Variants in KAZN observed in about 807,000 individuals in gnomAD.
KAZN encodes kazrin, periplakin interacting protein.
In KAZN, 40 loss-of-function variants were observed where a neutral mutation model predicts 87.4. The ratio of observed to expected loss-of-function variants is 0.46; its 90% CI spans 0.36 to 0.60. The LOEUF is 0.60. Among genes scored for constraint, KAZN ranks in the 20% least tolerant of loss-of-function variants. The pLI, the probability that KAZN is intolerant of heterozygous loss-of-function variation, is 0.00. For synonymous variants in KAZN, 466 were observed against 458.3 expected (o/e 1.02, Z -0.22); for missense variants, 898 against 1,073.9 (o/e 0.84, Z 2.29).
intron 1 of KAZN, among the ~76,000 whole-genome samples, chr1:14,063,718 A>G (rs1642887586): frequency 6.6e-6 from 1 of 152,138 alleles, no homozygotes; most frequent in Non-Finnish European, 1.5e-5. Flanking sequence ...AATAATCCCC[A>G]TGTGTCAAGG....
chr1:14,857,566 G>A (rs1189496382), intron 1 of KAZN, among the ~76,000 whole-genome samples: 1 of 151,984 alleles, frequency 6.6e-6, no homozygotes, highest in Non-Finnish European at 1.5e-5. Flanking sequence ...CTGGCACTAA[G>A]GGTGATTTGA....
intron 1 of KAZN, among the ~76,000 whole-genome samples, chr1:14,623,997 C>A (rs906037715): frequency 6.6e-6 from 1 of 152,124 alleles, no homozygotes. Flanking sequence ...CCCTTGAAAA[C>A]AATGTGTATT....
intron 2 of KAZN, among the ~76,000 whole-genome samples, chr1:14,561,733 A>C (rs910042800): frequency 4.6e-5 from 7 of 152,082 alleles, no homozygotes; most frequent in Middle Eastern, 6.8e-3. Context: ...ATGAAACCCC[A>C]TCTCTACTAA....
chr1:14,259,022 T>C (rs1315456833), intron 2 of KAZN, among the ~76,000 whole-genome samples: 1 of 152,004 alleles, frequency 6.6e-6, no homozygotes, highest in Non-Finnish European at 1.5e-5. Context: ...GTAGAGAGAC[T>C]CAAAGGTCTG....
chr1:14,396,453 C>G (rs1324044322), intron 2 of KAZN, among the ~76,000 whole-genome samples: 1 of 152,170 alleles, frequency 6.6e-6, no homozygotes, highest in Non-Finnish European at 1.5e-5. Context: ...TACCAAAGGC[C>G]AATATCTAAC....
intron 1 of KAZN, among the ~76,000 whole-genome samples, chr1:14,738,956 T>C (rs1363912136): frequency 3.3e-5 from 5 of 152,134 alleles, no homozygotes; most frequent in Admixed American, 3.3e-4. Context: ...GAGGATTGCT[T>C]GGGGCCATGG....
At chr1:14,140,832 G>T (rs565617764) in intron 1 of KAZN, among the ~76,000 whole-genome samples, 1 of 152,168 alleles carries the variant, frequency 6.6e-6, no homozygotes, top group Admixed American at 6.5e-5. Flanking sequence ...GGTGATGGGA[G>T]ATCGGCTGGG....
At chr1:14,435,861 A>AT (rs1666355084) in intron 2 of KAZN, among the ~76,000 whole-genome samples, 1 of 151,920 alleles carries the variant, frequency 6.6e-6, no homozygotes, top group South Asian at 2.1e-4. Flanking sequence ...GGGCCTAACG[A>AT]TATCTTAGAA....
chr1:15,002,877 A>G (rs1429514819), intron 2 of KAZN, among the ~76,000 whole-genome samples: 2 of 152,000 alleles, frequency 1.3e-5, no homozygotes, highest in Admixed American at 6.6e-5. Flanking sequence ...TCAGGAGGCT[A>G]AGACAGGAGA....
At chr1:14,626,567 CA>C (rs1364197085) in intron 1 of KAZN, among the ~76,000 whole-genome samples, 3 of 152,134 alleles carry the variant, frequency 2.0e-5, no homozygotes, top group Admixed American at 1.3e-4. Context: ...CAGCATCTTC[CA>C]GCCTCTCGTC....
intron 1 of KAZN, among the ~76,000 whole-genome samples, chr1:14,177,718 G>A (rs1646110867): frequency 6.6e-6 from 1 of 151,396 alleles, no homozygotes. Context: ...GACTAGGCAA[G>A]AAAAACTTGC....
chr1:14,385,267 C>T lies in KAZN; in HGVS notation c.249+204675C>T, dbSNP rs557655179. 2.9e-3 allele frequency among the ~76,000 whole-genome samples: 441 copies of T among 152,218 alleles called. 1 individual carries two copies. Among genetic ancestry groups the T allele is most frequent in the African/African-American group, 9.6e-3 (400 of 41,522 alleles). On this transcript the variant is annotated intron_variant, in intron 2 of 16. Coordinates refer to the KAZN transcript ENST00000636203. ...GTTGATCCTTTCAAAAAACCAGCTC[C>T]TGGATTCATTAATTTTTTGAAAGAT... is the stretch of plus-strand genomic sequence containing the variant.
chr1:14,626,919 ACT>A (rs1225393033), intron 1 of KAZN, among the ~76,000 whole-genome samples: 10 of 151,666 alleles, frequency 6.6e-5, no homozygotes, highest in Admixed American at 3.9e-4. Context: ...AGCCTTCCAG[ACT>A]CTGCCAGGGA....
intron 1 of KAZN, among the ~76,000 whole-genome samples, chr1:14,180,146 T>C (rs1348475545): frequency 6.6e-6 from 1 of 152,164 alleles, no homozygotes; most frequent in East Asian, 1.9e-4. Flanking sequence ...TTTTTAAGTT[T>C]CTGCAACAGG....
chr1:14,429,195 A>G (rs902565898), intron 2 of KAZN, among the ~76,000 whole-genome samples: 16 of 152,224 alleles, frequency 1.1e-4, no homozygotes, highest in Non-Finnish European at 2.2e-4. Context: ...GAGAATGGTC[A>G]TCTCCTAAGA....
intron 1 of KAZN, among the ~76,000 whole-genome samples, chr1:14,060,002 C>A (rs1642723796): frequency 1.3e-5 from 2 of 152,198 alleles, no homozygotes; most frequent in Non-Finnish European, 2.9e-5. Context: ...AGGCAAGTCT[C>A]TTTTAAGCTT....
At chr1:14,644,469 C>G (rs535161128) in intron 1 of KAZN, among the ~76,000 whole-genome samples, 1 of 151,826 alleles carries the variant, frequency 6.6e-6, no homozygotes, top group South Asian at 2.1e-4. Context: ...TCACGCCATG[C>G]TCCTGCCTCA....
intron 1 of KAZN, among the ~76,000 whole-genome samples, chr1:14,674,931 C>CA (rs1361028817): frequency 6.7e-6 from 1 of 150,206 alleles, no homozygotes; most frequent in Non-Finnish European, 1.5e-5. Flanking sequence ...GGACTACAGA[C>CA]ACGCACCACC....
chr1:14,430,828 A>C (rs1251413964), intron 2 of KAZN, among the ~76,000 whole-genome samples: 1 of 152,214 alleles, frequency 6.6e-6, no homozygotes, highest in Non-Finnish European at 1.5e-5. Flanking sequence ...AAAGGAGGGC[A>C]AAACCCATTG....
Sources: allele counts gnomAD v4.1 joint callset (sites outside exome capture counted in the v4.1 genomes callset), GRCh38; gene constraint gnomAD v4.1.1; transcripts MANE v1.5; gene names NCBI Gene and HGNC (gene_info 2026-07-23, HGNC 2026-07-21).